MORN5: variants seen among roughly 807,000 people sequenced by gnomAD.
MORN5 encodes the protein MORN repeat containing 5, also known as MORN repeat-containing protein 5.
Under a neutral mutation model 22.1 loss-of-function variants are expected in MORN5, and 21 were observed. That is an observed-to-expected ratio of 0.95 (90% confidence interval 0.67 to 1.37). The LOEUF is 1.37. MORN5 is among the 40% of genes most tolerant of loss of function. MORN5 has a pLI of 0.00. For synonymous variants in MORN5, 73 were observed against 74.0 expected (o/e 0.99, Z 0.07); for missense variants, 211 against 215.1 (o/e 0.98, Z 0.12).
Position 122,174,305 on chromosome 9 carries a change from A to G in MORN5, c.308-191A>G, listed in dbSNP as rs7853525. Among the ~76,000 whole-genome samples, 1,448 of 152,188 alleles carry G rather than the reference A, an allele frequency of 9.5e-3. 26 individuals carry two copies. The highest frequency in any genetic ancestry group is 0.033 in the African/African-American group (1,350 of 41,516). Reference sequence around the variant, plus strand: ...TCGTTCCCAAGACCCTGTTCCCAAGAGCCATGTTCAGAAAGTTCCTTTGGG... The same window carrying G: ...TCGTTCCCAAGACCCTGTTCCCAAGGGCCATGTTCAGAAAGTTCCTTTGGG... On this transcript the variant is annotated intron_variant, in intron 3 of 4. Coordinates refer to ENST00000373764, the MANE Select transcript of MORN5 (RefSeq NM_198469.4).
At chr9:122,177,581 T>C (rs144816477) in intron 4 of MORN5, among the ~76,000 whole-genome samples, 2,119 of 152,262 alleles carry the variant, frequency 0.014, 50 homozygotes, top group African/African-American at 0.048. Flanking sequence ...TACAGGCACC[T>C]GCCACCATGC....
chr9:122,196,251 G>A (rs1309747339), intron 4 of MORN5, among the ~76,000 whole-genome samples: 2 of 151,762 alleles, frequency 1.3e-5, no homozygotes, highest in African/African-American at 4.8e-5. Flanking sequence ...GAGCCACCAC[G>A]CCCAGCCAAA....
intron 3 of MORN5, 55 bp from the exon 4 acceptor site, chr9:122,174,441 C>G: frequency 6.3e-7 from 1 of 1,598,150 alleles, no homozygotes; most frequent in Non-Finnish European, 8.5e-7. Context: ...TATGGGAACA[C>G]TGGGTTTGGA....
intron 4 of MORN5, among the ~76,000 whole-genome samples, chr9:122,193,499 C>T (rs972888752): frequency 2.6e-5 from 4 of 152,206 alleles, no homozygotes; most frequent in African/African-American, 9.7e-5. Flanking sequence ...GCAGGAGAAT[C>T]GCTTGAACCC....
At chr9:122,181,105 GCAGTTTAA>G (rs1829532514) in intron 4 of MORN5, among the ~76,000 whole-genome samples, 1 of 152,226 alleles carries the variant, frequency 6.6e-6, no homozygotes, top group South Asian at 2.1e-4. Flanking sequence ...AGTTTTCAAA[GCAGTTTAA>G]CATCTGTCAG....
At chr9:122,191,025 C>T (rs1008741294) in intron 4 of MORN5, among the ~76,000 whole-genome samples, 5 of 152,210 alleles carry the variant, frequency 3.3e-5, no homozygotes, top group African/African-American at 4.8e-5. Context: ...CCCCAAAAGA[C>T]GACAGCCCCT....
chr9:122,177,020 G>C (rs1444353714), intron 4 of MORN5, among the ~76,000 whole-genome samples: 2 of 152,260 alleles, frequency 1.3e-5, no homozygotes, highest in East Asian at 3.8e-4. Context: ...GGGGACAATA[G>C]TAAGAGATTA....
intron 4 of MORN5, 82 bp from the exon 5 acceptor site, chr9:122,199,803 A>G (rs1829974284): frequency 2.1e-6 from 3 of 1,403,022 alleles, no homozygotes; most frequent in Non-Finnish European, 3.0e-6. Flanking sequence ...CCCAGTCCCA[A>G]CGCCCCACCT....
rs1177077942 is a variant in MORN5, at chr9:122,197,789, C to A, written c.440-2096C>A. On this transcript the variant is annotated intron_variant, in intron 4 of 4. Coordinates refer to ENST00000373764, the MANE Select transcript of MORN5 (RefSeq NM_198469.4). The surrounding 1 kb of genome is among the most constrained non-coding windows in gnomAD (Gnocchi z 5.7). The stretch of plus-strand genomic sequence containing the variant: ...GAGACTTCAGAACTGTAATTATCAA[C>A]CAGGCTGCTCACAGTGTGGCAAAAG... Among the ~76,000 whole-genome samples, 1 of 152,236 alleles carries A rather than the reference C, an allele frequency of 6.6e-6. No homozygotes were observed. Among genetic ancestry groups the A allele is most frequent in the African/African-American group, 2.4e-5 (1 of 41,466 alleles).
chr9:122,164,221 G>C (rs1829244210), intron 1 of MORN5, among the ~76,000 whole-genome samples: 1 of 151,888 alleles, frequency 6.6e-6, no homozygotes, highest in Non-Finnish European at 1.5e-5. Flanking sequence ...AAGGGAAAGA[G>C]AGAGAGAGAG....
chr9:122,161,732 G>A (rs1046950664), intron 1 of MORN5, among the ~76,000 whole-genome samples: 3 of 152,192 alleles, frequency 2.0e-5, no homozygotes, highest in African/African-American at 4.8e-5. Flanking sequence ...GGCTGTATAT[G>A]GGTGAGAGAG....
chr9:122,188,111 C>A (rs2118778124), intron 4 of MORN5, among the ~76,000 whole-genome samples: 1 of 152,270 alleles, frequency 6.6e-6, no homozygotes, highest in East Asian at 1.9e-4. Context: ...GCATTCAAGG[C>A]AGAGGGACCC....
At chr9:122,192,306 G>T (rs149914940) in intron 4 of MORN5, among the ~76,000 whole-genome samples, 1 of 152,138 alleles carries the variant, frequency 6.6e-6, no homozygotes, top group Non-Finnish European at 1.5e-5. Context: ...TTTTAGGAAT[G>T]ATCTCACTTG....
intron 4 of MORN5, among the ~76,000 whole-genome samples, chr9:122,186,319 A>G (rs529578345): frequency 3.3e-5 from 5 of 152,204 alleles, no homozygotes; most frequent in Non-Finnish European, 5.9e-5. Flanking sequence ...GAACCAGGGT[A>G]TGAACCCAGG....
At chr9:122,199,778 C>A (rs1441481316) in intron 4 of MORN5, 107 bp from the exon 5 acceptor site, 1 of 965,064 alleles carries the variant, frequency 1.0e-6, no homozygotes, top group South Asian at 1.3e-5. Context: ...CACAGACTGG[C>A]CATCGACGGA....
intron 3 of MORN5, among the ~76,000 whole-genome samples, chr9:122,171,149 A>G (rs192130533): frequency 2.6e-5 from 4 of 152,302 alleles, no homozygotes; most frequent in Non-Finnish European, 4.4e-5. Flanking sequence ...AGAGCCAGAA[A>G]TTGTGGGTTT....
chr9:122,167,587 G>T (rs1829306325), intron 2 of MORN5, among the ~76,000 whole-genome samples: 1 of 152,004 alleles, frequency 6.6e-6, no homozygotes, highest in African/African-American at 2.4e-5. Context: ...AGGATCTGTG[G>T]AGAGGCCATG....
chr9:122,173,795 A>G (rs942727780), intron 3 of MORN5, among the ~76,000 whole-genome samples: 3 of 152,184 alleles, frequency 2.0e-5, no homozygotes, highest in Non-Finnish European at 4.4e-5. Context: ...CTGAACATAC[A>G]GGTTCCAGAG....
chr9:122,174,884 A>T, intron 4 of MORN5: 1 of 1,283,662 alleles, frequency 7.8e-7, no homozygotes, highest in Non-Finnish European at 9.9e-7. Flanking sequence ...GGATTAAGGT[A>T]CTTATTTTTG....
Sources: allele counts gnomAD v4.1 joint callset (sites outside exome capture counted in the v4.1 genomes callset), GRCh38; gene constraint gnomAD v4.1.1; non-coding constraint Gnocchi (gnomAD v3.1); transcripts MANE v1.5; gene names NCBI Gene and HGNC (gene_info 2026-07-23, HGNC 2026-07-21).